The following GRIK1 variants were observed in gnomAD, a reference collection of about 807,000 sequenced individuals.
GRIK1 encodes the protein glutamate receptor ionotropic, kainate 1.
A neutral mutation model predicts 105.7 loss-of-function variants in GRIK1; 69 were observed. That is an observed-to-expected ratio of 0.65 (90% confidence interval 0.54 to 0.80). The LOEUF is 0.80. Ranked by LOEUF, GRIK1 falls within the 30% of genes least tolerant of loss-of-function variation. The pLI is 0.00. For missense variants in GRIK1, 1,109 were observed against 1,167.3 expected (o/e 0.95, Z 0.73); for synonymous variants, 438 against 431.3 (o/e 1.02, Z -0.19).
At chr21:29,822,144 G>A (rs983309659) in intron 1 of GRIK1, among the ~76,000 whole-genome samples, 5 of 151,988 alleles carry the variant, frequency 3.3e-5, no homozygotes, top group African/African-American at 9.7e-5. Context: ...GTAAATGGTT[G>A]CATAGCATAT....
intron 13 of GRIK1, among the ~76,000 whole-genome samples, chr21:29,579,185 C>T (rs1486926042): frequency 4.6e-5 from 7 of 152,108 alleles, no homozygotes; most frequent in Non-Finnish European, 7.4e-5. Context: ...TTAATAGAAA[C>T]GTATTGAGAT....
intron 11 of GRIK1, among the ~76,000 whole-genome samples, chr21:29,588,466 T>C (rs1195877275): frequency 6.6e-6 from 1 of 152,134 alleles, no homozygotes; most frequent in Non-Finnish European, 1.5e-5. Flanking sequence ...GTCTAGCATC[T>C]CCCCTGCTTT....
chr21:29,599,012 C>T, intron 7 of GRIK1, 75 bp from the exon 8 acceptor site: 2 of 695,846 alleles, frequency 2.9e-6, no homozygotes, highest in Admixed American at 2.5e-5. Flanking sequence ...AATTATAATA[C>T]CTCAAATTCA....
chr21:29,895,783 A>G (rs1012338482), intron 1 of GRIK1, among the ~76,000 whole-genome samples: 2 of 152,232 alleles, frequency 1.3e-5, no homozygotes, highest in Non-Finnish European at 2.9e-5. Flanking sequence ...CAGCTTTGCC[A>G]CTTAGCTGAA....
chr21:29,808,633 C>A (rs2145881491), intron 1 of GRIK1, among the ~76,000 whole-genome samples: 1 of 152,262 alleles, frequency 6.6e-6, no homozygotes, highest in Non-Finnish European at 1.5e-5. Context: ...GCATTCAATG[C>A]CAGTGTTCCT....
At chr21:29,671,673 A>G (rs2146640024) in intron 4 of GRIK1, among the ~76,000 whole-genome samples, 1 of 152,298 alleles carries the variant, frequency 6.6e-6, no homozygotes, top group Admixed American at 6.5e-5. Context: ...TTACCAATCA[A>G]CAACATAGCA....
intron 7 of GRIK1, among the ~76,000 whole-genome samples, chr21:29,617,662 A>G (rs1215637466): frequency 1.3e-5 from 2 of 152,230 alleles, no homozygotes; most frequent in Admixed American, 1.3e-4. Context: ...ATTCATTAGC[A>G]TAGGGAATAG....
At chr21:29,841,353 A>C (rs1277617834) in intron 1 of GRIK1, among the ~76,000 whole-genome samples, 1 of 152,286 alleles carries the variant, frequency 6.6e-6, no homozygotes, top group African/African-American at 2.4e-5. Context: ...AAACACTGCA[A>C]ATTTAGATCC....
At chr21:29,595,599 A>G (rs990111105) in intron 9 of GRIK1, among the ~76,000 whole-genome samples, 6 of 152,182 alleles carry the variant, frequency 3.9e-5, no homozygotes, top group South Asian at 2.1e-4. Flanking sequence ...GACATAGCTG[A>G]TAATTTGAAA....
chr21:29,557,105 C>G (rs899589845), intron 15 of GRIK1, among the ~76,000 whole-genome samples: 1 of 152,132 alleles, frequency 6.6e-6, no homozygotes, highest in Non-Finnish European at 1.5e-5. Context: ...CTTCTCAATA[C>G]TGGATTTTGG....
At chr21:29,814,461 A>G (rs2145903287) in intron 1 of GRIK1, among the ~76,000 whole-genome samples, 1 of 152,184 alleles carries the variant, frequency 6.6e-6, no homozygotes, top group Middle Eastern at 3.4e-3. Flanking sequence ...CCCACGAGCC[A>G]GGAGTGCACA....
intron 1 of GRIK1, among the ~76,000 whole-genome samples, chr21:29,813,307 G>A (rs1227577868): frequency 6.6e-6 from 1 of 152,142 alleles, no homozygotes; most frequent in South Asian, 2.1e-4. Context: ...CTTGCCATAA[G>A]AGGGAGCATT....
rs1304430927 is a variant in GRIK1 at position 29,591,239 on chromosome 21, A to G, written c.1252-14T>C. 2 of 1,399,006 alleles carry G rather than the reference A, an allele frequency of 1.4e-6. No individual in the cohort carries two copies. The highest frequency in any genetic ancestry group is 3.3e-5 in the Admixed American group (2 of 59,760). 86.7% of individuals were successfully genotyped at this position (1,399,006 alleles called of 1,614,324 possible). On this transcript the variant is annotated splice_polypyrimidine_tract_variant and intron_variant, in intron 9 of 17. Coordinates refer to ENST00000327783, the MANE Select transcript of GRIK1 (RefSeq NM_001330994.2). ...CCAAATCCCAATCTACACAGAACACAGTACATCAGAGGCTGCTGGCTGTCA... is the reference window on the plus strand; with the variant it reads ...CCAAATCCCAATCTACACAGAACACGGTACATCAGAGGCTGCTGGCTGTCA...
At chr21:29,559,003 T>C (rs1248694954) in intron 15 of GRIK1, among the ~76,000 whole-genome samples, 1 of 152,188 alleles carries the variant, frequency 6.6e-6, no homozygotes, top group Non-Finnish European at 1.5e-5. Flanking sequence ...TTATTTTAAA[T>C]CATTGTTAAC....
chr21:29,614,880 C>T (rs2146390968), intron 7 of GRIK1, among the ~76,000 whole-genome samples: 1 of 151,630 alleles, frequency 6.6e-6, no homozygotes, highest in South Asian at 2.1e-4. Flanking sequence ...GTTCCCAGTA[C>T]TCTCTCTCCC....
chr21:29,937,682 T>C (rs147946450), intron 1 of GRIK1, among the ~76,000 whole-genome samples: 1 of 152,170 alleles, frequency 6.6e-6, no homozygotes, highest in South Asian at 2.1e-4. Context: ...ATTTCTAGCA[T>C]CCCTAGATTT....
intron 1 of GRIK1, among the ~76,000 whole-genome samples, chr21:29,702,724 G>C (rs185249444): frequency 1.3e-5 from 2 of 152,126 alleles, no homozygotes; most frequent in Admixed American, 1.3e-4. Context: ...AAACAAACAA[G>C]AAAACAAACA....
chr21:29,687,163 A>G (rs1368892443), intron 3 of GRIK1, among the ~76,000 whole-genome samples: 2 of 152,146 alleles, frequency 1.3e-5, no homozygotes, highest in Non-Finnish European at 2.9e-5. Context: ...CACTGCTCCC[A>G]TTGACTTCAA....
intron 1 of GRIK1, among the ~76,000 whole-genome samples, chr21:29,841,294 G>C (rs533733122): frequency 1.3e-5 from 2 of 152,220 alleles, no homozygotes; most frequent in South Asian, 2.1e-4. Flanking sequence ...AATTTGTAAA[G>C]TCTGCATCAA....
Sources: allele counts gnomAD v4.1 joint callset (sites outside exome capture counted in the v4.1 genomes callset), GRCh38; gene constraint gnomAD v4.1.1; transcripts MANE v1.5; gene names NCBI Gene and HGNC (gene_info 2026-07-23, HGNC 2026-07-21).